MCTP2: variants seen among roughly 807,000 people sequenced by gnomAD.
MCTP2 encodes the protein multiple C2 and transmembrane domain-containing protein 2.
Under a neutral mutation model 111.6 loss-of-function variants are expected in MCTP2, and 132 were observed. The observed-to-expected ratio is 1.18, with a 90% CI of 1.03 to 1.37. The LOEUF is 1.37. MCTP2 is among the 40% of genes most tolerant of loss of function. The pLI is 0.00. For synonymous variants in MCTP2, 395 were observed against 387.7 expected, an observed-to-expected ratio of 1.02 and a Z score of -0.22; for missense variants, 1,183 against 1,067.9, an observed-to-expected ratio of 1.11 and a Z score of -1.50.
At chr15:94,316,062 G>A (rs1033149731) in intron 4 of MCTP2, among the ~76,000 whole-genome samples, 1 of 152,028 alleles carries the variant, frequency 6.6e-6, no homozygotes, top group African/African-American at 2.4e-5. Context: ...AATCTCACTG[G>A]ACTCCCTCTA....
intron 1 of MCTP2, among the ~76,000 whole-genome samples, chr15:94,265,540 A>G (rs1050645340): frequency 1.3e-5 from 2 of 152,218 alleles, no homozygotes; most frequent in Non-Finnish European, 2.9e-5. Flanking sequence ...GATATACACT[A>G]CTGTTTGCAT....
chr15:94,244,926 A>T (rs1414147053), intron 1 of MCTP2, among the ~76,000 whole-genome samples: 1 of 145,350 alleles, frequency 6.9e-6, no homozygotes, highest in East Asian at 2.0e-4. Context: ...TTATATACGT[A>T]TATGTATACA....
At chr15:94,453,016 C>A (rs2152521920) in intron 19 of MCTP2, among the ~76,000 whole-genome samples, 1 of 151,974 alleles carries the variant, frequency 6.6e-6, no homozygotes, top group East Asian at 1.9e-4. Flanking sequence ...TGATTCTTTT[C>A]TTTACTGAAG....
Position 94,312,708 on chromosome 15 carries a change from T to C in MCTP2, c.466-1574T>C, listed in dbSNP as rs1337476964. Among the ~76,000 whole-genome samples, 4 of 152,222 alleles carry C rather than the reference T, an allele frequency of 2.6e-5. No homozygotes were observed. The East Asian group carries it at 5.8e-4, about 22-fold the overall frequency. On this transcript the variant is annotated intron_variant, in intron 2 of 22. Coordinates refer to ENST00000357742, the MANE Select transcript of MCTP2 (RefSeq NM_001385001.1). ...CAAGAACCTTAGGGCCTCTTTGTCC[T>C]AGCCCCATGAGGCTCCATTCCTTCT...
intron 19 of MCTP2, among the ~76,000 whole-genome samples, chr15:94,446,277 C>T (rs1027570896): frequency 1.3e-5 from 2 of 152,154 alleles, no homozygotes; most frequent in African/African-American, 4.8e-5. Flanking sequence ...CTTTCTAATA[C>T]CTGACGGCTC....
intron 14 of MCTP2, among the ~76,000 whole-genome samples, chr15:94,392,400 T>C (rs1316392841): frequency 1.3e-5 from 2 of 151,054 alleles, no homozygotes; most frequent in East Asian, 3.9e-4. Context: ...AGTAAGGTTA[T>C]TATAAATATG....
chr15:94,447,943 T>A (rs1437705714), intron 19 of MCTP2, among the ~76,000 whole-genome samples: 1 of 152,230 alleles, frequency 6.6e-6, no homozygotes, highest in African/African-American at 2.4e-5. Context: ...GAATTCTAAT[T>A]TAAGTCCTTT....
intron 1 of MCTP2, among the ~76,000 whole-genome samples, chr15:94,260,232 C>A (rs1288297054): frequency 6.6e-6 from 1 of 152,160 alleles, no homozygotes; most frequent in African/African-American, 2.4e-5. Flanking sequence ...TCCTCCCCGA[C>A]TCAGGATCCA....
At chr15:94,397,742 A>G (rs1474477191) in intron 14 of MCTP2, among the ~76,000 whole-genome samples, 4 of 152,220 alleles carry the variant, frequency 2.6e-5, no homozygotes, top group African/African-American at 9.6e-5. Flanking sequence ...CACTGTTTAT[A>G]AGAACACTTG....
chr15:94,476,484 A>G (rs1053648504), intron 21 of MCTP2: 6 of 400,296 alleles, frequency 1.5e-5, no homozygotes, highest in Non-Finnish European at 2.3e-5. Context: ...TGACAGCAAC[A>G]TGTGCTTGAC....
At chr15:94,337,741 T>C (rs2077437836) in intron 4 of MCTP2, among the ~76,000 whole-genome samples, 1 of 146,998 alleles carries the variant, frequency 6.8e-6, no homozygotes. Flanking sequence ...CTGATGGGCT[T>C]CTACTCCTAT....
intron 2 of MCTP2, among the ~76,000 whole-genome samples, 175 bp downstream of exon 2, chr15:94,298,905 C>G (rs1266893569): frequency 2.0e-3 from 121 of 59,574 alleles, no homozygotes; most frequent in African/African-American, 7.4e-3. Flanking sequence ...CTCTCCCTCC[C>G]TCTCCCTCCC....
At chr15:94,396,077 G>C (rs890764526) in intron 14 of MCTP2, among the ~76,000 whole-genome samples, 3 of 152,124 alleles carry the variant, frequency 2.0e-5, no homozygotes, top group Non-Finnish European at 2.9e-5. Context: ...GAAAAGGCAA[G>C]TATACAAAAA....
intron 17 of MCTP2, among the ~76,000 whole-genome samples, chr15:94,415,145 G>T (rs577034635): frequency 6.6e-6 from 1 of 152,098 alleles, no homozygotes; most frequent in East Asian, 1.9e-4. Context: ...TATTGTCTGG[G>T]AGGTCGCAGA....
chr15:94,367,490 G>T (rs545559737), intron 10 of MCTP2, 115 bp from the exon 11 acceptor site: 3 of 797,280 alleles, frequency 3.8e-6, no homozygotes, highest in Admixed American at 5.2e-5. Flanking sequence ...ATAAACCTAA[G>T]ACCAGACAGA....
intron 20 of MCTP2, among the ~76,000 whole-genome samples, chr15:94,468,604 C>T (rs1204677394): frequency 1.3e-5 from 2 of 151,892 alleles, no homozygotes; most frequent in African/African-American, 4.8e-5. Flanking sequence ...AATATTTTAC[C>T]TCATAATAGG....
At chr15:94,430,633 A>G (rs2083134592) in intron 17 of MCTP2, among the ~76,000 whole-genome samples, 1 of 151,438 alleles carries the variant, frequency 6.6e-6, no homozygotes, top group African/African-American at 2.4e-5. Flanking sequence ...CTGTAATCGC[A>G]GCTACTTGGG....
Position 94,298,199 on chromosome 15 carries a change from A to G in MCTP2, c.-65-2A>G, listed in dbSNP as rs1342730059. The G allele has an allele frequency of 1.7e-6, 2 of 1,151,702 alleles. No homozygotes were observed. Among genetic ancestry groups the G allele is most frequent in the Non-Finnish European group, 2.4e-6 (2 of 842,094 alleles). 71.3% of individuals were successfully genotyped at this position (1,151,702 alleles called of 1,614,324 possible). A position where few individuals can be genotyped will look rare whatever the true frequency, so the allele number is the denominator to read the frequency against. On this transcript the variant is annotated splice_acceptor_variant, in intron 1 of 22. Transcript: ENST00000357742. LOFTEE classifies it low-confidence loss of function (5UTR_SPLICE). ...TTTTTGTTGTTTTTTTCTGTTTTAT[A>G]GGAGTCATTGCAGTTTTCAGTAGAG... is the stretch of plus-strand genomic sequence containing the variant.
At position 94,385,405 on chromosome 15, in the gene MCTP2, A is replaced by G; in HGVS notation, c.1686-18A>G. 2 of 1,530,534 alleles carry G rather than the reference A, an allele frequency of 1.3e-6. No individual in the cohort carries two copies. Among genetic ancestry groups the G allele is most frequent in the Non-Finnish European group, 1.8e-6 (2 of 1,104,384 alleles). The allele number at this position is 1,530,534 out of a possible 1,614,324, so 94.8% of individuals were successfully genotyped here. On this transcript the variant is annotated intron_variant, in intron 13 of 22. Transcript: ENST00000357742. ...ACTTGTGTGTTTTTGTGTATAATAC[A>G]TGGTATTTTTGTTACAGTCCCATTA...
Sources: gnomAD v4.1 joint callset for allele counts (sites outside exome capture counted in the v4.1 genomes callset) on GRCh38, gnomAD v4.1.1 for gene constraint, MANE v1.5 for transcripts, NCBI Gene and HGNC (gene_info 2026-07-23, HGNC 2026-07-21) for gene names.